POLH: variants seen among roughly 807,000 people sequenced by gnomAD.
POLH encodes DNA polymerase eta transcript.
POLH carries 53 observed loss-of-function variants against 73.6 expected under a neutral mutation model. The observed-to-expected ratio is 0.72, with a 90% CI of 0.58 to 0.91. The LOEUF is 0.91. POLH is among the 40% of genes least tolerant of loss of function. POLH has a pLI of 0.00. For missense variants in POLH, 768 were observed against 865.4 expected (o/e 0.89, Z 1.41); for synonymous variants, 292 against 308.5 (o/e 0.95, Z 0.56).
chr6:43,614,275 A>C lies in POLH; in HGVS notation c.1860A>C (p.Ala620=), dbSNP rs1768177192. Residue 620 remains alanine, a synonymous_variant, in exon 11 of 11, where the codon GCA becomes GCC. Transcript: ENST00000372236. Reference sequence around the variant, plus strand: ...CTGTGCTGGAGGTGACTCAGAAAGCAACCCCAAATCCAAGTCTTCTAGCTG... The same window carrying C: ...CTGTGCTGGAGGTGACTCAGAAAGCCACCCCAAATCCAAGTCTTCTAGCTG... ...SKSVLEVTQK[A]TPNPSLLAAE... is the part of the protein sequence containing the mutation. 4.4e-6 allele frequency: 7 copies of C among 1,599,116 alleles called. No individual in the cohort carries two copies. Among genetic ancestry groups the C allele is most frequent in the Non-Finnish European group, 6.0e-6 (7 of 1,171,324 alleles).
At position 43,601,046 on chromosome 6, in the gene POLH, A is replaced by G. The variant is rs370185041; in HGVS notation, c.719A>G (p.His240Arg). ...CCCAACCGCCAAACCCTGGTTTCACATGGGTCAGTCCCACAGCTCTTCAGC... is the reference window on the plus strand; with the variant it reads ...CCCAACCGCCAAACCCTGGTTTCACGTGGGTCAGTCCCACAGCTCTTCAGC... ...NKPNRQTLVS[H>R]GSVPQLFSQM... The change falls in exon 6 of 11, where the codon CAT (histidine) becomes CGT (arginine). Residue 240 changes from histidine (H) to arginine (R), a missense_variant. Coordinates refer to ENST00000372236, the MANE Select transcript of POLH (RefSeq NM_006502.3). 8 of 1,614,072 alleles carry G rather than the reference A, an allele frequency of 5.0e-6. No individual in the cohort carries two copies. Among genetic ancestry groups the G allele is most frequent in the Non-Finnish European group, 6.8e-6 (8 of 1,179,950 alleles).
chr6:43,595,845 CT>C (rs112457060), intron 4 of POLH, among the ~76,000 whole-genome samples: 60 of 146,730 alleles, frequency 4.1e-4, no homozygotes, highest in South Asian at 4.3e-4. Context: ...ATGTATTTTT[CT>C]TTTTTTTTTT....
intron 4 of POLH, among the ~76,000 whole-genome samples, chr6:43,595,946 C>T (rs893991759): frequency 1.3e-4 from 19 of 151,378 alleles, no homozygotes; most frequent in African/African-American, 4.1e-4. Context: ...ATAATGTATA[C>T]TAGTATATAT....
Position 43,614,303 on chromosome 6 carries a change from G to A in POLH, c.1888G>A (p.Glu630Lys), listed in dbSNP as rs1369683925. The change falls in exon 11 of 11, where the codon GAG becomes AAG. Residue 630 changes from glutamate (E) to lysine (K), a missense_variant. Transcript: ENST00000372236. Reference protein sequence around the residue: ...ATPNPSLLAAEDQVPCEKCGS... With the variant: ...ATPNPSLLAAKDQVPCEKCGS... ...CCCAAATCCAAGTCTTCTAGCTGCT[G>A]AGGACCAAGTGCCCTGTGAGAAGTG... 1 of 1,601,350 alleles carries A rather than the reference G, an allele frequency of 6.2e-7. No individual in the cohort carries two copies. The highest frequency in any genetic ancestry group is 1.1e-5 in the South Asian group (1 of 89,932).
Position 43,581,869 on chromosome 6 carries a change from C to T in POLH, c.-4-447C>T, listed in dbSNP as rs867381478. Among the ~76,000 whole-genome samples the T allele has an allele frequency of 5.5e-4, 83 of 149,776 alleles. 1 individual carries two copies. Among genetic ancestry groups the T allele is most frequent in the Non-Finnish European group, 1.9e-4 (13 of 67,072 alleles). ...CACCGACCCCAGCCCGCGGCGCCTT[C>T]GAGCCTTCTAGGGCCTCCGGCGCCG... On this transcript the variant is annotated intron_variant, in intron 1 of 10. Transcript: ENST00000372236.
rs984215225 is a variant in POLH, at chr6:43,616,792, A to G, written c.*2235A>G. ...GAATTTCATACAGGTAAACCCTATT[A>G]TACCCTCAGTTCTAACCATTGGCCT... is the stretch of plus-strand genomic sequence containing the variant. On this transcript the variant is annotated 3_prime_UTR_variant, in exon 11 of 11. Coordinates refer to ENST00000372236, the MANE Select transcript of POLH (RefSeq NM_006502.3). Among the ~76,000 whole-genome samples the G allele has an allele frequency of 6.6e-6, 1 of 152,190 alleles. No homozygotes were observed. Among genetic ancestry groups the G allele is most frequent in the African/African-American group, 2.4e-5 (1 of 41,436 alleles).
intron 4 of POLH, 71 bp from the exon 5 acceptor site, chr6:43,597,625 T>G (rs1174888522): frequency 7.1e-7 from 1 of 1,406,350 alleles, no homozygotes; most frequent in Non-Finnish European, 1.0e-6. Flanking sequence ...TCTAAGCATT[T>G]CTACATTAGA....
At chr6:43,590,702 C>A (rs1271116359) in intron 4 of POLH, among the ~76,000 whole-genome samples, 1 of 151,936 alleles carries the variant, frequency 6.6e-6, no homozygotes, top group African/African-American at 2.4e-5. Context: ...GCAGGTGAAT[C>A]ACCTGAGGTC....
intron 9 of POLH, among the ~76,000 whole-genome samples, chr6:43,608,527 T>G (rs1193336166): frequency 6.6e-6 from 1 of 151,992 alleles, no homozygotes; most frequent in Admixed American, 6.6e-5. Flanking sequence ...TTCTTTCCAC[T>G]TTTTTTTCCT....
rs750026446 is a variant in POLH, at chr6:43,587,295, T to C, written c.296T>C (p.Val99Ala). 46 of 1,613,924 alleles carry C rather than the reference T, an allele frequency of 2.9e-5. No homozygotes were observed. The highest frequency in any genetic ancestry group is 3.8e-5 in the Non-Finnish European group (45 of 1,179,934). ...AGGTACCGGGAAGCCAGTGTTGAAG[T>C]GATGGAGATAATGTCTCGTTTTGCT... ...LTKYREASVE[V>A]MEIMSRFAVI... Residue 99 changes from valine to alanine, a missense_variant, in exon 4 of 11, where the codon GTG becomes GCG. Transcript: ENST00000372236.
At chr6:43,602,571 T>A (rs1766850918) in intron 6 of POLH, among the ~76,000 whole-genome samples, 1 of 152,132 alleles carries the variant, frequency 6.6e-6, no homozygotes, top group Non-Finnish European at 1.5e-5. Flanking sequence ...GGACCTAAAG[T>A]AGTTTAGCTG....
Position 43,617,365 on chromosome 6 carries a change from G to A in POLH, c.*2808G>A, listed in dbSNP as rs892877139. 6.6e-6 allele frequency among the ~76,000 whole-genome samples: 1 copy of A among 152,156 alleles called. No individual in the cohort carries two copies. Among genetic ancestry groups the A allele is most frequent in the Non-Finnish European group, 1.5e-5 (1 of 68,036 alleles). ...ATGTGGGTCAGGTGTGGTGGCTCAT[G>A]CCTGTAATCCCACACTTTGGGAGGC... On this transcript the variant is annotated 3_prime_UTR_variant, in exon 11 of 11. Transcript: ENST00000372236.
intron 3 of POLH, among the ~76,000 whole-genome samples, chr6:43,584,166 C>T (rs1336769293): frequency 6.6e-6 from 1 of 152,128 alleles, no homozygotes; most frequent in Non-Finnish European, 1.5e-5. Flanking sequence ...GTTCAGACAG[C>T]TAAGTGAAAG....
intron 10 of POLH, among the ~76,000 whole-genome samples, chr6:43,613,125 G>A (rs1291832220): frequency 6.6e-6 from 1 of 152,138 alleles, no homozygotes; most frequent in Non-Finnish European, 1.5e-5. Flanking sequence ...AAATGTTTCT[G>A]AAATTGGGAC....
In POLH at chr6:43,611,609, A is replaced by G. The variant is rs948332788; in HGVS notation, c.1244+886A>G. On this transcript the variant is annotated intron_variant, in intron 10 of 10. Transcript: ENST00000372236. ...CCAAATTCACAATAGAAATATAATT[A>G]TGAGAGAGAGGTAAGTCAGTTGCTC... Among the ~76,000 whole-genome samples, 5 of 152,324 alleles carry G rather than the reference A, an allele frequency of 3.3e-5. No homozygotes were observed. In the South Asian group the frequency reaches 1.0e-3, roughly 32 times the overall value.
At position 43,616,242 on chromosome 6, in the gene POLH, T is replaced by C. The variant is rs1157445463; in HGVS notation, c.*1685T>C. Among the ~76,000 whole-genome samples, 3 of 145,704 alleles carry C rather than the reference T, an allele frequency of 2.1e-5. No individual in the cohort carries two copies. The Admixed American group carries it at 2.1e-4, about 10-fold the overall frequency. Reference sequence around the variant, plus strand: ...TTGCAGTGAGCCGAGAGCGCGCCACTGCACTCCAGCCTGGGTGACAGAGCG... The same window carrying C: ...TTGCAGTGAGCCGAGAGCGCGCCACCGCACTCCAGCCTGGGTGACAGAGCG... On this transcript the variant is annotated 3_prime_UTR_variant, in exon 11 of 11. Transcript: ENST00000372236.
intron 4 of POLH, 55 bp from the exon 5 acceptor site, chr6:43,597,641 C>A: frequency 6.7e-6 from 10 of 1,488,794 alleles, no homozygotes; most frequent in Non-Finnish European, 9.3e-6. Context: ...TTAGATAGCA[C>A]AATTAAATAA....
intron 1 of POLH, among the ~76,000 whole-genome samples, chr6:43,580,922 C>G (rs1454788721): frequency 4.2e-5 from 6 of 141,254 alleles, no homozygotes; most frequent in South Asian, 2.3e-4. Context: ...CCGGACGGCA[C>G]GGCTGGCCAG....
chr6:43,587,193 T>C, intron 3 of POLH, 79 bp from the exon 4 acceptor site: 3 of 1,007,516 alleles, frequency 3.0e-6, no homozygotes, highest in East Asian at 4.7e-5. Flanking sequence ...TTGTTCATTA[T>C]GGCAGGGTGG....
Sources: allele counts gnomAD v4.1 joint callset (sites outside exome capture counted in the v4.1 genomes callset), GRCh38; gene constraint gnomAD v4.1.1; transcripts MANE v1.5; gene names NCBI Gene and HGNC (gene_info 2026-07-23, HGNC 2026-07-21).